PFKFB3: variants seen among roughly 807,000 people sequenced by gnomAD.
PFKFB3 encodes the protein 6-phosphofructo-2-kinase/fructose-2,6-bisphosphatase 3.
In PFKFB3, 33 loss-of-function variants were observed where a neutral mutation model predicts 68.0. That is an observed-to-expected ratio of 0.49 (90% confidence interval 0.37 to 0.65). The LOEUF is 0.65. Ranked by LOEUF, PFKFB3 falls within the 30% of genes least tolerant of loss-of-function variation. The pLI, the probability that PFKFB3 is intolerant of heterozygous loss-of-function variation, is 0.00. For missense variants in PFKFB3, 586 were observed against 712.2 expected, an observed-to-expected ratio of 0.82 and a Z score of 2.02; for synonymous variants, 315 against 288.2, an observed-to-expected ratio of 1.09 and a Z score of -0.94.
the PFKFB3 span, among the ~76,000 whole-genome samples, chr10:6,274,296 T>C: frequency 6.6e-6 from 1 of 152,164 alleles, no homozygotes; most frequent in Non-Finnish European, 1.5e-5. Context: ...GTACTGAAGC[T>C]TTTTTGTGTG....
chr10:6,248,034 C>T lies in PFKFB3; in HGVS notation c.1516-6144C>T, dbSNP rs560746378. ...TCAGGTAACAATGGCTGCCAAGTGG[C>T]CATCAAGCCAATGCCTTTGTTATTT... On this transcript the variant is annotated intron_variant, in intron 14 of 14. Transcript: ENST00000640683. Among the ~76,000 whole-genome samples the T allele has an allele frequency of 2.0e-5, 3 of 152,282 alleles. No homozygotes were observed. In the South Asian group the frequency reaches 6.2e-4, roughly 32 times the overall value.
chr10:6,221,584 A>G lies in PFKFB3; in HGVS notation c.978+57A>G, dbSNP rs190696066. 139 of 1,611,192 alleles carry G rather than the reference A, an allele frequency of 8.6e-5. No individual in the cohort carries two copies. The African/African-American group carries it at 1.6e-3, about 19-fold the overall frequency. On this transcript the variant is annotated intron_variant, in intron 9 of 14. Transcript: ENST00000379775. ...CCCTCGGGCATGGGGCGGCTTCCCA[A>G]GAGGCCCTAGACACCCCTGTGGTTT...
At position 6,220,802 on chromosome 10, in the gene PFKFB3, G is replaced by C; in HGVS notation, c.768G>C (p.Glu256Asp). Residue 256 changes from glutamate (E) to aspartate (D), a missense_variant, in exon 8 of 15, where the codon GAG becomes GAC. Transcript: ENST00000379775. The surrounding 1 kb of genome is among the most constrained non-coding windows in gnomAD (Gnocchi z 4.1). ...PRTIYLCRHG[E>D]NEHNLQGRIG... ...CCATCTACCTGTGCCGGCACGGCGA[G>C]AACGAGCACAACCTCCAGGGCCGCA... is the stretch of plus-strand genomic sequence containing the variant. 1 of 1,613,900 alleles carries C rather than the reference G, an allele frequency of 6.2e-7. No homozygotes were observed. The highest frequency in any genetic ancestry group is 1.6e-4 in the Middle Eastern group (1 of 6,062).
intron 1 of PFKFB3, among the ~76,000 whole-genome samples, chr10:6,162,234 C>T (rs992043764): frequency 8.5e-5 from 13 of 152,136 alleles, no homozygotes; most frequent in Non-Finnish European, 1.5e-4. Context: ...TTTTTGGAGG[C>T]GGAGTAATGT....
At chr10:6,277,589 T>G in the PFKFB3 span, 2,012 of 188,006 alleles carry the variant, frequency 0.011, 53 homozygotes, top group African/African-American at 0.045. Context: ...TCTTGCAAGA[T>G]CTGTCTGTTT....
chr10:6,191,443 A>G (rs945061852), intron 1 of PFKFB3, among the ~76,000 whole-genome samples: 3 of 152,200 alleles, frequency 2.0e-5, no homozygotes, highest in Non-Finnish European at 4.4e-5. Context: ...CAGCGGTTTC[A>G]CTTAATATAG....
At chr10:6,203,730 GATCTCCTCTCTCTGCATGTTTCC>G (rs1843494397) in intron 1 of PFKFB3, among the ~76,000 whole-genome samples, 1 of 152,110 alleles carries the variant, frequency 6.6e-6, no homozygotes, top group Non-Finnish European at 1.5e-5. Context: ...TCACCGTCCG[GATCTCCTCTCTCTGCATGTTTCC>G]ATCTCCTCTC....
At chr10:6,320,841 G>C in the PFKFB3 span, among the ~76,000 whole-genome samples, 1 of 152,170 alleles carries the variant, frequency 6.6e-6, no homozygotes, top group East Asian at 1.9e-4. Context: ...AGAGCCACAT[G>C]TTCCCTCATT....
At chr10:6,232,290 A>C (rs1845797885) in intron 14 of PFKFB3, among the ~76,000 whole-genome samples, 1 of 151,638 alleles carries the variant, frequency 6.6e-6, no homozygotes, top group Admixed American at 6.6e-5. Context: ...CCAGTGCCTT[A>C]GGGGTGGAAC....
intron 1 of PFKFB3, among the ~76,000 whole-genome samples, chr10:6,177,658 T>G (rs1842569268): frequency 6.6e-6 from 1 of 151,684 alleles, no homozygotes; most frequent in Non-Finnish European, 1.5e-5. Flanking sequence ...AACAAGTAGC[T>G]GGGATTACAG....
chr10:6,151,190 G>C (rs867342487), intron 1 of PFKFB3, among the ~76,000 whole-genome samples: 7 of 152,286 alleles, frequency 4.6e-5, no homozygotes, highest in Middle Eastern at 3.4e-3. Context: ...TATGAGTCTT[G>C]GTGGTATCTT....
chr10:6,247,732 C>G (rs77560168), intron 14 of PFKFB3, among the ~76,000 whole-genome samples: 2,448 of 152,270 alleles, frequency 0.016, 108 homozygotes, highest in East Asian at 0.13. Flanking sequence ...AACCCTTCCT[C>G]GTCTTGACAG....
chr10:6,290,732 G>A, the PFKFB3 span, among the ~76,000 whole-genome samples: 2 of 152,110 alleles, frequency 1.3e-5, no homozygotes, highest in Non-Finnish European at 2.9e-5. Context: ...TCGAACTCCT[G>A]ACCTCAGGTG....
chr10:6,213,873 T>A, intron 2 of PFKFB3, 125 bp downstream of exon 2: 3 of 967,176 alleles, frequency 3.1e-6, no homozygotes, highest in Non-Finnish European at 4.7e-6. Context: ...AGTCTGATCC[T>A]GCCTCCCATG....
At chr10:6,279,535 A>G in the PFKFB3 span, among the ~76,000 whole-genome samples, 2 of 144,686 alleles carry the variant, frequency 1.4e-5, no homozygotes, top group Non-Finnish European at 3.1e-5. Flanking sequence ...CACTTAGAAG[A>G]GAGAAAGGCT....
rs1321006019 is a variant in PFKFB3, at chr10:6,215,896, C to T, written c.300-229C>T. On this transcript the variant is annotated intron_variant, in intron 3 of 14. Coordinates refer to ENST00000379775, the MANE Select transcript of PFKFB3 (RefSeq NM_004566.4). This position sits in a 1 kb window ranked among gnomAD's most constrained non-coding sequence, Gnocchi z 4.3. ...AGCAGCTCCCCAGGAGTGGTTCCCG[C>T]GTGCAGCCCGGTTTGAGCACCGCCT... 2.0e-5 allele frequency among the ~76,000 whole-genome samples: 3 copies of T among 152,160 alleles called. No individual in the cohort carries two copies. The highest frequency in any genetic ancestry group is 4.8e-5 in the African/African-American group (2 of 41,440).
rs1049561641 is a variant in PFKFB3, at chr10:6,234,653, G to A, written c.*1711G>A. On this transcript the variant is annotated 3_prime_UTR_variant, in exon 15 of 15. Coordinates refer to ENST00000379775, the MANE Select transcript of PFKFB3 (RefSeq NM_004566.4). Reference sequence around the variant, plus strand: ...TCATCAGAATATGTGGGTAGGGGGTGGACGTGCACGGGTGCATGATTGTGC... The same window carrying A: ...TCATCAGAATATGTGGGTAGGGGGTAGACGTGCACGGGTGCATGATTGTGC... The A allele has an allele frequency of 3.9e-5, 6 of 152,260 alleles. No individual in the cohort carries two copies. Among genetic ancestry groups the A allele is most frequent in the African/African-American group, 1.2e-4 (5 of 41,414 alleles). The allele number at this position is 152,260 out of a possible 1,614,324, so 9.4% of individuals were successfully genotyped here. A position where few individuals can be genotyped will look rare whatever the true frequency, so the allele number is the denominator to read the frequency against.
At position 6,229,074 on chromosome 10, in the gene PFKFB3, T is replaced by C. The variant is rs1479980022; in HGVS notation, c.1515+2709T>C. ...AACACACCCGCCCCTTTATTTCCTG[T>C]TTGCTCCTTAAGTTACCTTAACTAC... On this transcript the variant is annotated intron_variant, in intron 14 of 14. Coordinates refer to ENST00000379775, the MANE Select transcript of PFKFB3 (RefSeq NM_004566.4). The surrounding 1 kb of genome is among the most constrained non-coding windows in gnomAD (Gnocchi z 4.3). 1 of 525,264 alleles carries C rather than the reference T, an allele frequency of 1.9e-6. No individual in the cohort carries two copies. Among genetic ancestry groups the C allele is most frequent in the South Asian group, 1.4e-5 (1 of 69,948 alleles). The allele number at this position is 525,264 out of a possible 1,614,324, so 32.5% of individuals were successfully genotyped here.
the PFKFB3 span, among the ~76,000 whole-genome samples, chr10:6,322,124 A>G: frequency 6.6e-6 from 1 of 152,158 alleles, no homozygotes; most frequent in Non-Finnish European, 1.5e-5. Context: ...AACGGAACAT[A>G]TCCCATGTGA....
Sources: gnomAD v4.1 joint callset for allele counts (sites outside exome capture counted in the v4.1 genomes callset) on GRCh38, gnomAD v4.1.1 for gene constraint, Gnocchi (gnomAD v3.1) non-coding constraint, MANE v1.5 for transcripts, NCBI Gene and HGNC (gene_info 2026-07-23, HGNC 2026-07-21) for gene names.